Variants in SPANXN1 observed in about 807,000 individuals in gnomAD.
The protein encoded by SPANXN1 is sperm protein associated with the nucleus on the X chromosome N1.
A neutral mutation model predicts 2.0 loss-of-function variants in SPANXN1; 1 was observed. The observed-to-expected ratio is 0.50, with a 90% CI of 0.18 to 2.36. The LOEUF is 2.36. SPANXN1 is among the 30% of genes most tolerant of loss of function. The pLI, the probability that SPANXN1 is intolerant of heterozygous loss-of-function variation, is 0.26. For synonymous variants in SPANXN1, 27 were observed against 21.3 expected (o/e 1.27, Z -0.74); for missense variants, 55 against 51.8 (o/e 1.06, Z -0.19).
intron 1 of SPANXN1, 43 bp from the exon 2 acceptor site, chrX:145,255,628 C>T (rs782542735): frequency 1.7e-6 from 2 of 1,208,218 alleles, no homozygotes; most frequent in East Asian, 3.0e-5. Flanking sequence ...ATCCTATTCA[C>T]CCAAAATAAT....
intron 1 of SPANXN1, among the ~76,000 whole-genome samples, chrX:145,251,009 G>T (rs1280385163): frequency 8.9e-6 from 1 of 112,183 alleles, no homozygotes; most frequent in Non-Finnish European, 1.9e-5. Context: ...TGAGGGCCCT[G>T]GTTAGGGCAA....
chrX:145,250,122 G>T (rs782594965), intron 1 of SPANXN1, among the ~76,000 whole-genome samples: 4 of 111,440 alleles, frequency 3.6e-5, no homozygotes, highest in Admixed American at 2.9e-4. Context: ...AATATGGAAA[G>T]CCCATTTAAT....
chrX:145,248,424 A>C lies in SPANXN1; in HGVS notation c.75+763A>C, dbSNP rs370026159. On this transcript the variant is annotated intron_variant, in intron 1 of 1. Coordinates refer to ENST00000370493, the MANE Select transcript of SPANXN1 (RefSeq NM_001009614.3). ...GATTAACGGCCCTAAGAAAGGGACCACCTGCTATCCCAGTGCTGAGTGCAT... is the reference window on the plus strand; with the variant it reads ...GATTAACGGCCCTAAGAAAGGGACCCCCTGCTATCCCAGTGCTGAGTGCAT... Among the ~76,000 whole-genome samples, 5 of 111,749 alleles carry C rather than the reference A, an allele frequency of 4.5e-5. No homozygotes were observed. The East Asian group carries it at 1.1e-3, about 25-fold the overall frequency.
intron 1 of SPANXN1, among the ~76,000 whole-genome samples, chrX:145,248,555 T>C (rs2070771574): frequency 8.9e-6 from 1 of 111,994 alleles, no homozygotes; most frequent in Admixed American, 9.5e-5. Flanking sequence ...ATGGTCTGCT[T>C]GTTAGGCAAA....
rs145801278 is a variant in SPANXN1 at position 145,250,501 on chromosome X, A to T, written c.75+2840A>T. On this transcript the variant is annotated intron_variant, in intron 1 of 1. Transcript: ENST00000370493. The stretch of plus-strand genomic sequence containing the variant: ...TGAGATGGGCAGCCATGGAGGAAGA[A>T]TATATGTATGTTTTTAAAAGCTGGA... 3.6e-5 allele frequency among the ~76,000 whole-genome samples: 4 copies of T among 111,476 alleles called. No individual in the cohort carries two copies. In the Admixed American group the frequency reaches 3.8e-4, roughly 11 times the overall value.
Position 145,255,789 on chromosome X carries a change from A to T in SPANXN1, c.194A>T (p.Asn65Ile). 2.5e-6 allele frequency: 3 copies of T among 1,212,140 alleles called. No individual in the cohort carries two copies. The highest frequency in any genetic ancestry group is 3.3e-6 in the Non-Finnish European group (3 of 895,619). ...CYRKAKKIHS[N>I]QLENDQS is the part of the protein sequence containing the mutation. ...AGGAAAGCTAAGAAAATACATTCAA[A>T]TCAACTGGAGAATGACCAGTCCTGA... Residue 65 changes from asparagine (N) to isoleucine (I), a missense_variant, in exon 2 of 2, where the codon AAT (asparagine) becomes ATT (isoleucine). Transcript: ENST00000370493.
At chrX:145,248,922 A>G (rs2070773540) in intron 1 of SPANXN1, among the ~76,000 whole-genome samples, 1 of 111,823 alleles carries the variant, frequency 8.9e-6, no homozygotes, top group Non-Finnish European at 1.9e-5. Flanking sequence ...ATACATGAAG[A>G]GTGGCTCTAG....
chrX:145,251,113 A>G (rs1453848410), intron 1 of SPANXN1, among the ~76,000 whole-genome samples: 2 of 111,787 alleles, frequency 1.8e-5, no homozygotes, highest in African/African-American at 6.5e-5. Context: ...GCTGCTGGAC[A>G]TGGCTCCCTA....
At chrX:145,250,759 A>G (rs368206134) in intron 1 of SPANXN1, among the ~76,000 whole-genome samples, 10 of 111,540 alleles carry the variant, frequency 9.0e-5, no homozygotes, top group South Asian at 7.7e-4. Flanking sequence ...AAATTTATTG[A>G]AAGGTTTTTC....
chrX:145,256,073 G>T lies in SPANXN1; in HGVS notation c.*259G>T. The T allele has an allele frequency of 2.0e-6, 1 of 512,473 alleles. No individual in the cohort carries two copies. The highest frequency in any genetic ancestry group is 3.4e-6 in the Non-Finnish European group (1 of 297,658). 42.2% of individuals were successfully genotyped at this position (512,473 alleles called of 1,213,427 possible). A position where few individuals can be genotyped will look rare whatever the true frequency, so the allele number is the denominator to read the frequency against. On this transcript the variant is annotated 3_prime_UTR_variant, in exon 2 of 2. Transcript: ENST00000370493. The stretch of plus-strand genomic sequence containing the variant: ...ATCTTCACAGGAGGATAAAGACGTA[G>T]AATTACCTGAAGGATCTTCACAGGA...
At chrX:145,255,290 AT>A (rs1272237564) in intron 1 of SPANXN1, among the ~76,000 whole-genome samples, 3 of 111,305 alleles carry the variant, frequency 2.7e-5, no homozygotes, top group Non-Finnish European at 3.8e-5. Context: ...GTGGAATATC[AT>A]TGTGGTGTTC....
At chrX:145,255,139 A>C (rs1192535870) in intron 1 of SPANXN1, among the ~76,000 whole-genome samples, 2 of 111,773 alleles carry the variant, frequency 1.8e-5, no homozygotes, top group African/African-American at 6.5e-5. Flanking sequence ...GTGGGGGAAC[A>C]GCTTAATGCC....
chrX:145,255,484 G>A lies in SPANXN1; in HGVS notation c.76-187G>A, dbSNP rs781973856. 1.3e-3 allele frequency among the ~76,000 whole-genome samples: 142 copies of A among 110,744 alleles called. No individual in the cohort carries two copies. The South Asian group carries it at 0.013, about 10-fold the overall frequency. On this transcript the variant is annotated intron_variant, in intron 1 of 1. Coordinates refer to ENST00000370493, the MANE Select transcript of SPANXN1 (RefSeq NM_001009614.3). ...AAAATGGTGCACTTTGGACTAACAG[G>A]TGACCCTACCCATGCTCCTCTTCTT...
At chrX:145,253,240 G>A (rs2070793426) in intron 1 of SPANXN1, among the ~76,000 whole-genome samples, 1 of 111,027 alleles carries the variant, frequency 9.0e-6, no homozygotes, top group Non-Finnish European at 1.9e-5. Flanking sequence ...ACAGGCTCCT[G>A]GAGTTGACTG....
At chrX:145,249,477 T>C (rs1484383522) in intron 1 of SPANXN1, among the ~76,000 whole-genome samples, 7 of 110,578 alleles carry the variant, frequency 6.3e-5, no homozygotes, top group African/African-American at 2.3e-4. Flanking sequence ...TGAAACAAAG[T>C]AGGAGATAAA....
chrX:145,250,318 G>GAAT (rs1376826122), intron 1 of SPANXN1, among the ~76,000 whole-genome samples: 4 of 111,087 alleles, frequency 3.6e-5, no homozygotes, highest in African/African-American at 1.3e-4. Flanking sequence ...ACTATTGTGA[G>GAAT]GTATAGGAAT....
chrX:145,251,039 G>A (rs2070783637), intron 1 of SPANXN1, among the ~76,000 whole-genome samples: 1 of 112,162 alleles, frequency 8.9e-6, no homozygotes. Flanking sequence ...CCTGTTGAGA[G>A]GCAGCATGGG....
intron 1 of SPANXN1, among the ~76,000 whole-genome samples, chrX:145,251,338 G>A (rs1556882485): frequency 6.2e-5 from 7 of 112,168 alleles, no homozygotes; most frequent in South Asian, 3.8e-4. Flanking sequence ...TGTACCTGCT[G>A]TAAGCAGGAT....
intron 1 of SPANXN1, among the ~76,000 whole-genome samples, chrX:145,252,447 T>C (rs782722911): frequency 4.5e-5 from 5 of 110,654 alleles, no homozygotes; most frequent in Non-Finnish European, 7.6e-5. Flanking sequence ...AAAGCCAGAA[T>C]AGGGGTGTTG....
Sources: gnomAD v4.1 joint callset for allele counts (sites outside exome capture counted in the v4.1 genomes callset) on GRCh38, gnomAD v4.1.1 for gene constraint, MANE v1.5 for transcripts, NCBI Gene and HGNC (gene_info 2026-07-23, HGNC 2026-07-21) for gene names.